Variants in NCKAP5 observed in about 807,000 individuals in gnomAD.
NCKAP5 encodes the protein nck-associated protein 5.
NCKAP5 carries 92 observed loss-of-function variants against 167.0 expected under a neutral mutation model. The ratio of observed to expected loss-of-function variants is 0.55; its 90% CI spans 0.47 to 0.66. The LOEUF (loss-of-function observed/expected upper bound fraction) is 0.66. Among genes scored for constraint, NCKAP5 ranks in the 30% least tolerant of loss-of-function variants. NCKAP5 has a pLI of 0.00. For synonymous variants in NCKAP5, 891 were observed against 877.4 expected, an observed-to-expected ratio of 1.02 and a Z score of -0.27; for missense variants, 2,378 against 2,315.0, an observed-to-expected ratio of 1.03 and a Z score of -0.56.
At chr2:132,934,277 A>C (rs1696673394) in intron 8 of NCKAP5, among the ~76,000 whole-genome samples, 1 of 152,194 alleles carries the variant, frequency 6.6e-6, no homozygotes, top group African/African-American at 2.4e-5. Context: ...CAACATAATA[A>C]CAATCACTAT....
At chr2:132,872,376 T>C (rs989652226) in intron 9 of NCKAP5, among the ~76,000 whole-genome samples, 5 of 152,226 alleles carry the variant, frequency 3.3e-5, no homozygotes, top group African/African-American at 1.2e-4. Context: ...AACTTTGCTC[T>C]TCTTCCCTGA....
chr2:133,275,970 C>G (rs906805567), intron 4 of NCKAP5, among the ~76,000 whole-genome samples: 1 of 151,814 alleles, frequency 6.6e-6, no homozygotes, highest in Admixed American at 6.6e-5. Context: ...CAGAGTATGC[C>G]TGTCTCCCGT....
intron 4 of NCKAP5, among the ~76,000 whole-genome samples, chr2:133,260,648 T>C (rs931226063): frequency 1.3e-5 from 2 of 152,140 alleles, no homozygotes; most frequent in Non-Finnish European, 2.9e-5. Flanking sequence ...GTGGAGCGAG[T>C]GACAGCTGAA....
At chr2:132,733,144 G>A (rs1275147376) in intron 16 of NCKAP5, among the ~76,000 whole-genome samples, 3 of 152,118 alleles carry the variant, frequency 2.0e-5, no homozygotes, top group African/African-American at 4.8e-5. Context: ...AAATTACCAC[G>A]TCATTTCTGG....
At chr2:133,315,392 A>G (rs1220967561) in intron 3 of NCKAP5, among the ~76,000 whole-genome samples, 2 of 152,184 alleles carry the variant, frequency 1.3e-5, no homozygotes, top group Non-Finnish European at 2.9e-5. Flanking sequence ...GCAGTTGGAT[A>G]ATGTGCTATT....
chr2:133,082,164 G>T (rs2080832475), intron 6 of NCKAP5, among the ~76,000 whole-genome samples: 1 of 151,996 alleles, frequency 6.6e-6, no homozygotes, highest in African/African-American at 2.4e-5. Context: ...GTGTTAATTT[G>T]CTTAGGATAA....
chr2:132,700,914 G>T (rs1263727796), intron 19 of NCKAP5, among the ~76,000 whole-genome samples: 1 of 119,600 alleles, frequency 8.4e-6, no homozygotes, highest in East Asian at 2.6e-4. Flanking sequence ...CTGCATGCTG[G>T]TTACAATCCC....
intron 3 of NCKAP5, among the ~76,000 whole-genome samples, chr2:133,335,714 T>G (rs1683167231): frequency 6.6e-6 from 1 of 152,218 alleles, no homozygotes. Flanking sequence ...AAATAATTAT[T>G]CACTGCTCAC....
At chr2:132,873,811 G>T (rs1031413844) in intron 9 of NCKAP5, among the ~76,000 whole-genome samples, 7 of 152,194 alleles carry the variant, frequency 4.6e-5, no homozygotes, top group Non-Finnish European at 1.0e-4. Flanking sequence ...GAAGAAATTA[G>T]TGTAAATATA....
chr2:133,080,566 T>C (rs1422867259), intron 6 of NCKAP5, among the ~76,000 whole-genome samples: 1 of 152,146 alleles, frequency 6.6e-6, no homozygotes, highest in African/African-American at 2.4e-5. Context: ...ACAGAGACCG[T>C]CTGGCTGACA....
chr2:132,851,518 C>T (rs993953769), intron 11 of NCKAP5, among the ~76,000 whole-genome samples: 4 of 152,190 alleles, frequency 2.6e-5, no homozygotes, highest in African/African-American at 4.8e-5. Flanking sequence ...AGGTTAACCC[C>T]GCTTGCCTCT....
At chr2:132,860,342 C>T (rs1689795842) in intron 11 of NCKAP5, 150 bp downstream of exon 11, 2 of 959,598 alleles carry the variant, frequency 2.1e-6, no homozygotes, top group African/African-American at 3.3e-5. Flanking sequence ...CAGACACCTT[C>T]AAATTTAATG....
chr2:133,624,490 C>T, the NCKAP5 span, among the ~76,000 whole-genome samples: 1 of 151,942 alleles, frequency 6.6e-6, no homozygotes, highest in African/African-American at 2.4e-5. Context: ...CCACCGCACA[C>T]CAGTGATGCT....
chr2:133,623,137 T>C, the NCKAP5 span, among the ~76,000 whole-genome samples: 2 of 152,188 alleles, frequency 1.3e-5, no homozygotes, highest in Non-Finnish European at 2.9e-5. Flanking sequence ...TCTCACCTTA[T>C]ACAAAAATCA....
At chr2:133,198,271 A>G (rs1489230213) in intron 5 of NCKAP5, among the ~76,000 whole-genome samples, 1 of 152,192 alleles carries the variant, frequency 6.6e-6, no homozygotes, top group Non-Finnish European at 1.5e-5. Flanking sequence ...ATTTGGTGAA[A>G]GACAAATTTG....
At chr2:133,665,727 G>A in the NCKAP5 span, among the ~76,000 whole-genome samples, 45,089 of 151,862 alleles carry the variant, frequency 0.3, 7,287 homozygotes, top group South Asian at 0.38. Context: ...CACAATATCC[G>A]CGACGTGCGA....
intron 5 of NCKAP5, among the ~76,000 whole-genome samples, chr2:133,213,299 T>C (rs2086286785): frequency 6.6e-6 from 1 of 152,126 alleles, no homozygotes; most frequent in Admixed American, 6.5e-5. Flanking sequence ...AGAAGGAAAA[T>C]AATAAAGACA....
At chr2:133,398,355 C>A (rs1283558730) in intron 3 of NCKAP5, among the ~76,000 whole-genome samples, 1 of 152,200 alleles carries the variant, frequency 6.6e-6, no homozygotes, top group Non-Finnish European at 1.5e-5. Flanking sequence ...ATAGGTACAG[C>A]AAACCACCAT....
intron 4 of NCKAP5, among the ~76,000 whole-genome samples, chr2:133,270,395 C>T (rs916638698): frequency 2.6e-5 from 4 of 152,168 alleles, no homozygotes; most frequent in African/African-American, 7.2e-5. Flanking sequence ...GAAGCAGCTT[C>T]GGAAGTATCA....
Sources: gnomAD v4.1 joint callset for allele counts (sites outside exome capture counted in the v4.1 genomes callset) on GRCh38, gnomAD v4.1.1 for gene constraint, MANE v1.5 for transcripts, NCBI Gene and HGNC (gene_info 2026-07-23, HGNC 2026-07-21) for gene names.